Variants in ATXN7 observed in about 807,000 individuals in gnomAD.
ATXN7 encodes the protein ataxin-7.
Under a neutral mutation model 70.5 loss-of-function variants are expected in ATXN7, and 12 were observed. That is an observed-to-expected ratio of 0.17 (90% CI 0.11 to 0.28). The LOEUF is 0.28. Among genes scored for constraint, ATXN7 ranks in the 10% least tolerant of loss-of-function variants. ATXN7 has a pLI of 1.00. For synonymous variants in ATXN7, 498 were observed against 448.7 expected, an observed-to-expected ratio of 1.11 and a Z score of -1.39; for missense variants, 1,256 against 1,131.7, an observed-to-expected ratio of 1.11 and a Z score of -1.58.
intron 2 of ATXN7, among the ~76,000 whole-genome samples, chr3:63,900,220 A>G (rs769764198): frequency 6.6e-5 from 10 of 152,254 alleles, no homozygotes; most frequent in Non-Finnish European, 1.5e-4. Context: ...AGACGAAAGG[A>G]GTTTCAGCCT....
rs201631667 is a variant in ATXN7, at chr3:63,957,196, CAG to C, written c.499+4714_499+4715del. 2.9e-3 allele frequency among the ~76,000 whole-genome samples: 442 copies of C among 152,310 alleles called. 2 individuals are homozygous for C. The highest frequency in any genetic ancestry group is 9.5e-3 in the African/African-American group (393 of 41,572). ...TTAATGTTTCTCTTTTATGCAGACA[CAG>C]GGGTGATATTACCTAGGAGAAATAG... On this transcript the variant is annotated intron_variant, in intron 5 of 12. Transcript: ENST00000674280.
chr3:63,942,453 G>A (rs1286675322), intron 4 of ATXN7, among the ~76,000 whole-genome samples: 6 of 152,122 alleles, frequency 3.9e-5, no homozygotes, highest in Admixed American at 6.5e-5. Flanking sequence ...TTTGTTATAC[G>A]TATCAACACT....
intron 5 of ATXN7, among the ~76,000 whole-genome samples, chr3:63,965,278 C>A (rs1437381419): frequency 6.6e-6 from 1 of 152,122 alleles, no homozygotes; most frequent in African/African-American, 2.4e-5. Context: ...ACTCCTCACC[C>A]CAGGCTTGTG....
At chr3:63,949,303 G>A (rs1043481473) in intron 4 of ATXN7, among the ~76,000 whole-genome samples, 2 of 119,266 alleles carry the variant, frequency 1.7e-5, no homozygotes, top group East Asian at 4.5e-4. Flanking sequence ...AAATTATTTT[G>A]TATCCTCTAG....
intron 4 of ATXN7, among the ~76,000 whole-genome samples, chr3:63,947,925 A>T (rs2074890045): frequency 6.6e-6 from 1 of 152,142 alleles, no homozygotes; most frequent in South Asian, 2.1e-4. Flanking sequence ...GAACGAGGGA[A>T]CAGAGGATGA....
chr3:63,941,671 G>A (rs1048091987), intron 4 of ATXN7, among the ~76,000 whole-genome samples: 3 of 151,624 alleles, frequency 2.0e-5, no homozygotes, highest in Non-Finnish European at 4.4e-5. Flanking sequence ...TTTGGTTTAC[G>A]CAGGGCCAGA....
chr3:63,932,669 G>T (rs540998074), intron 4 of ATXN7, among the ~76,000 whole-genome samples: 2 of 152,184 alleles, frequency 1.3e-5, no homozygotes, highest in Non-Finnish European at 2.9e-5. Flanking sequence ...TGCTGTCCCT[G>T]TGTAGGTACA....
At chr3:63,910,343 C>G (rs939810707) in intron 2 of ATXN7, among the ~76,000 whole-genome samples, 6 of 152,210 alleles carry the variant, frequency 3.9e-5, no homozygotes, top group African/African-American at 1.4e-4. Context: ...CCTTTGTTAT[C>G]TATATGGCTT....
intron 9 of ATXN7, among the ~76,000 whole-genome samples, chr3:63,988,716 C>T (rs1177267588): frequency 1.3e-5 from 2 of 152,244 alleles, no homozygotes; most frequent in South Asian, 2.1e-4. Context: ...AGGGACAAGC[C>T]GTTTAGCCTG....
intron 1 of ATXN7, among the ~76,000 whole-genome samples, chr3:63,886,360 A>G (rs1703086280): frequency 1.3e-5 from 2 of 152,176 alleles, no homozygotes; most frequent in South Asian, 4.1e-4. Context: ...ATAGTTAATA[A>G]TACTGTATAC....
intron 4 of ATXN7, among the ~76,000 whole-genome samples, chr3:63,926,222 G>A (rs1252903019): frequency 6.6e-6 from 1 of 152,176 alleles, no homozygotes; most frequent in Non-Finnish European, 1.5e-5. Context: ...GAAAACAACA[G>A]CAAAGAACTG....
chr3:63,924,115 G>A (rs1392174115), intron 4 of ATXN7, among the ~76,000 whole-genome samples: 2 of 152,158 alleles, frequency 1.3e-5, no homozygotes, highest in Non-Finnish European at 2.9e-5. Flanking sequence ...GGATACGTTT[G>A]GAGGTGGAGT....
intron 1 of ATXN7, among the ~76,000 whole-genome samples, chr3:63,883,796 T>C (rs1215082857): frequency 6.6e-6 from 1 of 152,092 alleles, no homozygotes; most frequent in African/African-American, 2.4e-5. Context: ...TTGCATAGAA[T>C]AGCAAACAAG....
intron 6 of ATXN7, 97 bp from the exon 7 acceptor site, chr3:63,982,089 G>A: frequency 9.1e-6 from 14 of 1,538,252 alleles, no homozygotes; most frequent in Non-Finnish European, 1.2e-5. Flanking sequence ...CAGCGCTTGG[G>A]TAGGCCCAGG....
At chr3:63,977,507 A>G (rs1228912936) in intron 5 of ATXN7, among the ~76,000 whole-genome samples, 2 of 152,180 alleles carry the variant, frequency 1.3e-5, no homozygotes, top group African/African-American at 2.4e-5. Flanking sequence ...TTCAGGGGGT[A>G]CACAAGGTGA....
chr3:63,931,538 C>T (rs1343162243), intron 4 of ATXN7, among the ~76,000 whole-genome samples: 1 of 152,172 alleles, frequency 6.6e-6, no homozygotes, highest in Non-Finnish European at 1.5e-5. Flanking sequence ...CTGAAGGCCC[C>T]TGGCTAATGA....
At chr3:63,895,873 A>C (rs3774708) in intron 1 of ATXN7, among the ~76,000 whole-genome samples, 21,930 of 150,936 alleles carry the variant, frequency 0.15, 1,669 homozygotes, top group Admixed American at 0.18. Flanking sequence ...GGTCAGATTC[A>C]CTCTGAGCAG....
intron 1 of ATXN7, among the ~76,000 whole-genome samples, chr3:63,895,716 C>CCTTT (rs1297636622): frequency 2.0e-5 from 3 of 151,838 alleles, no homozygotes; most frequent in Admixed American, 6.6e-5. Context: ...TTTCTTCCTT[C>CCTTT]CTTTCTTCCT....
chr3:63,947,633 G>C (rs2074885504), intron 4 of ATXN7, among the ~76,000 whole-genome samples: 1 of 152,094 alleles, frequency 6.6e-6, no homozygotes, highest in South Asian at 2.1e-4. Context: ...ACTTGCCCAA[G>C]GTCACGTTTC....
Sources: gnomAD v4.1 joint callset for allele counts (sites outside exome capture counted in the v4.1 genomes callset) on GRCh38, gnomAD v4.1.1 for gene constraint, MANE v1.5 for transcripts, NCBI Gene and HGNC (gene_info 2026-07-23, HGNC 2026-07-21) for gene names.